The following ADAMTSL3 variants were observed in gnomAD, a reference collection of about 807,000 sequenced individuals.
ADAMTSL3 encodes ADAMTS-like protein 3.
ADAMTSL3 carries 128 observed loss-of-function variants against 201.7 expected under a neutral mutation model. That is an observed-to-expected ratio of 0.63 (90% CI 0.55 to 0.73). ADAMTSL3 has a LOEUF of 0.73. Among genes scored for constraint, ADAMTSL3 ranks in the 30% least tolerant of loss-of-function variants. The pLI, the probability that ADAMTSL3 is intolerant of heterozygous loss-of-function variation, is 0.00. For synonymous variants in ADAMTSL3, 738 were observed against 748.4 expected (o/e 0.99, Z 0.23); for missense variants, 1,990 against 2,119.6 (o/e 0.94, Z 1.20).
rs906185236 is a variant in ADAMTSL3, at chr15:83,810,595, A to G, written c.363+5900A>G. On this transcript the variant is annotated intron_variant, in intron 5 of 29. Transcript: ENST00000286744. The stretch of plus-strand genomic sequence containing the variant: ...ACTGGGCTAAAACTAACATATAGGC[A>G]GGGCTACATCATTCTGGAGGCCTAG... 2.8e-4 allele frequency among the ~76,000 whole-genome samples: 42 copies of G among 152,250 alleles called. 1 individual carries two copies. Among genetic ancestry groups the G allele is most frequent in the Non-Finnish European group, 3.7e-4 (25 of 68,046 alleles).
chr15:84,027,220 T>G (rs1274562173), intron 27 of ADAMTSL3, among the ~76,000 whole-genome samples: 1 of 152,114 alleles, frequency 6.6e-6, no homozygotes, highest in African/African-American at 2.4e-5. Context: ...GTGAAAGAGA[T>G]AGTGACAAAT....
intron 4 of ADAMTSL3, among the ~76,000 whole-genome samples, chr15:83,783,023 G>A (rs1040646215): frequency 5.6e-5 from 8 of 143,510 alleles, no homozygotes; most frequent in African/African-American, 7.7e-5. Context: ...ACATATATAC[G>A]TATATATTAT....
At chr15:83,756,981 G>A (rs904704349) in intron 3 of ADAMTSL3, among the ~76,000 whole-genome samples, 1 of 152,192 alleles carries the variant, frequency 6.6e-6, no homozygotes, top group Non-Finnish European at 1.5e-5. Flanking sequence ...CATGGCCTCG[G>A]GCAGCTCTGT....
At chr15:83,961,557 A>T (rs2066969127) in intron 19 of ADAMTSL3, 2 of 152,240 alleles carry the variant, frequency 1.3e-5, no homozygotes. Flanking sequence ...TAAACTAAAA[A>T]TTCTCATCTT....
At chr15:83,967,784 A>C (rs567815808) in intron 19 of ADAMTSL3, among the ~76,000 whole-genome samples, 2 of 151,022 alleles carry the variant, frequency 1.3e-5, no homozygotes, top group South Asian at 4.1e-4. Context: ...TTCAAACTAT[A>C]CTACAAGGCT....
At chr15:84,029,893 A>G (rs1253517470) in intron 27 of ADAMTSL3, among the ~76,000 whole-genome samples, 2 of 152,238 alleles carry the variant, frequency 1.3e-5, no homozygotes, top group East Asian at 3.8e-4. Flanking sequence ...GAACCAACAT[A>G]CAACTCAGGC....
intron 4 of ADAMTSL3, among the ~76,000 whole-genome samples, chr15:83,781,491 C>A (rs2063167053): frequency 6.6e-6 from 1 of 152,024 alleles, no homozygotes; most frequent in Non-Finnish European, 1.5e-5. Flanking sequence ...AAATGTAAAA[C>A]CCAATACTAT....
intron 7 of ADAMTSL3, among the ~76,000 whole-genome samples, chr15:83,854,061 A>C (rs2064680163): frequency 6.6e-6 from 1 of 152,082 alleles, no homozygotes; most frequent in Non-Finnish European, 1.5e-5. Context: ...AAAAATAAGG[A>C]TCTTCTTCAT....
chr15:84,018,483 C>T (rs907754154), intron 25 of ADAMTSL3, among the ~76,000 whole-genome samples: 1 of 152,132 alleles, frequency 6.6e-6, no homozygotes. Context: ...CTATGAGATA[C>T]ACAGTGATAG....
intron 4 of ADAMTSL3, among the ~76,000 whole-genome samples, chr15:83,803,254 C>A (rs979071129): frequency 2.0e-5 from 3 of 152,148 alleles, no homozygotes; most frequent in African/African-American, 7.2e-5. Flanking sequence ...TTTCCACTTA[C>A]TCCTTTTGTA....
At chr15:83,709,128 T>C (rs2141523574) in intron 3 of ADAMTSL3, among the ~76,000 whole-genome samples, 1 of 152,340 alleles carries the variant, frequency 6.6e-6, no homozygotes, top group South Asian at 2.1e-4. Flanking sequence ...AATGGATGCC[T>C]TATCAGCTCA....
At chr15:83,837,962 T>G (rs926056157) in intron 6 of ADAMTSL3, 127 bp from the exon 7 acceptor site, 1 of 1,129,714 alleles carries the variant, frequency 8.9e-7, no homozygotes, top group African/African-American at 1.6e-5. Context: ...TTTATAAAAC[T>G]ATGTTCTCAT....
At chr15:83,733,932 A>G (rs542893665) in intron 3 of ADAMTSL3, among the ~76,000 whole-genome samples, 1 of 152,168 alleles carries the variant, frequency 6.6e-6, no homozygotes, top group Non-Finnish European at 1.5e-5. Flanking sequence ...TTCCCACTGG[A>G]TAGACATCTG....
At chr15:83,892,618 C>T in intron 12 of ADAMTSL3, 66 bp from the exon 13 acceptor site, 1 of 1,505,664 alleles carries the variant, frequency 6.6e-7, no homozygotes, top group Non-Finnish European at 9.0e-7. Flanking sequence ...TACTTTTTGC[C>T]ACCATCTTTG....
At chr15:83,723,579 A>T (rs975549948) in intron 3 of ADAMTSL3, among the ~76,000 whole-genome samples, 6 of 152,192 alleles carry the variant, frequency 3.9e-5, no homozygotes, top group South Asian at 2.1e-4. Flanking sequence ...CAAGTAAATT[A>T]TGGGATTTCT....
At chr15:83,861,330 A>G (rs1487394163) in intron 8 of ADAMTSL3, among the ~76,000 whole-genome samples, 1 of 152,234 alleles carries the variant, frequency 6.6e-6, no homozygotes, top group Non-Finnish European at 1.5e-5. Flanking sequence ...GAGAATGGAC[A>G]GACTGCCTCC....
chr15:83,755,875 C>T (rs996047200), intron 3 of ADAMTSL3, among the ~76,000 whole-genome samples: 1 of 152,156 alleles, frequency 6.6e-6, no homozygotes, highest in African/African-American at 2.4e-5. Flanking sequence ...ATTCTTGTGC[C>T]TCAGCCTCCT....
intron 15 of ADAMTSL3, 52 bp downstream of exon 15, chr15:83,899,783 A>G: frequency 6.4e-7 from 1 of 1,574,170 alleles, no homozygotes; most frequent in Non-Finnish European, 8.6e-7. Flanking sequence ...AGTTAACATG[A>G]TATATGTAAT....
chr15:83,840,459 G>A (rs190002452), intron 7 of ADAMTSL3, among the ~76,000 whole-genome samples: 4 of 152,320 alleles, frequency 2.6e-5, no homozygotes, highest in Admixed American at 2.6e-4. Flanking sequence ...CAGGACAAGA[G>A]GAGGGGAACA....
Sources: allele counts gnomAD v4.1 joint callset (sites outside exome capture counted in the v4.1 genomes callset), GRCh38; gene constraint gnomAD v4.1.1; transcripts MANE v1.5; gene names NCBI Gene and HGNC (gene_info 2026-07-23, HGNC 2026-07-21).